Variants in METAP2 observed in about 807,000 individuals in gnomAD.
METAP2 encodes the protein methionine aminopeptidase 2.
In METAP2, 25 loss-of-function variants were observed where a neutral mutation model predicts 59.4. That is an observed-to-expected ratio of 0.42 (90% CI 0.31 to 0.59). The LOEUF (loss-of-function observed/expected upper bound fraction) is 0.59, where lower values mean the gene tolerates loss of function less well. METAP2 is among the 20% of genes least tolerant of loss of function. The pLI, the probability that METAP2 is intolerant of heterozygous loss-of-function variation, is 0.16. For missense variants in METAP2, 366 were observed against 581.2 expected, an observed-to-expected ratio of 0.63 and a Z score of 3.81; for synonymous variants, 214 against 194.1, an observed-to-expected ratio of 1.10 and a Z score of -0.85.
intron 4 of METAP2, among the ~76,000 whole-genome samples, chr12:95,490,128 G>T (rs948179510): frequency 7.3e-5 from 11 of 150,462 alleles, no homozygotes; most frequent in African/African-American, 2.7e-4. Context: ...TTGAGACAAG[G>T]TCTCACTCTG....
chr12:95,477,265 T>C (rs576416031), intron 2 of METAP2, among the ~76,000 whole-genome samples: 4 of 152,176 alleles, frequency 2.6e-5, no homozygotes, highest in South Asian at 2.1e-4. Context: ...GCCCAACTAA[T>C]TTTTTTGTAT....
intron 3 of METAP2, 40 bp from the exon 4 acceptor site, chr12:95,485,839 T>A: frequency 7.6e-7 from 1 of 1,322,150 alleles, no homozygotes; most frequent in Non-Finnish European, 1.0e-6. Context: ...TTAATTTTAT[T>A]TTTAACTACA....
chr12:95,492,152 G>GTGTGTGTGTGTA (rs778238237), intron 4 of METAP2, among the ~76,000 whole-genome samples: 18 of 151,664 alleles, frequency 1.2e-4, no homozygotes, highest in Non-Finnish European at 1.5e-5. Context: ...GTGTGTGTGT[G>GTGTGTGTGTGTA]TGTATGTATA....
intron 2 of METAP2, among the ~76,000 whole-genome samples, chr12:95,482,562 TG>T (rs982646840): frequency 1.5e-4 from 22 of 151,568 alleles, no homozygotes; most frequent in Non-Finnish European, 1.5e-5. Flanking sequence ...GCAAATCACT[TG>T]ATGTCAGGAG....
intron 7 of METAP2, among the ~76,000 whole-genome samples, chr12:95,501,364 T>C (rs1267742323): frequency 2.6e-5 from 4 of 152,164 alleles, no homozygotes; most frequent in Non-Finnish European, 5.9e-5. Flanking sequence ...TCTTGAATTA[T>C]GTAAAAAATA....
At chr12:95,504,878 G>A (rs1423204749) in intron 8 of METAP2, among the ~76,000 whole-genome samples, 1 of 152,156 alleles carries the variant, frequency 6.6e-6, no homozygotes. Flanking sequence ...AAGTTCCTTT[G>A]CCTTCTAGTC....
At chr12:95,492,228 T>C (rs1024668273) in intron 4 of METAP2, among the ~76,000 whole-genome samples, 5 of 152,142 alleles carry the variant, frequency 3.3e-5, no homozygotes, top group African/African-American at 1.2e-4. Context: ...CTTGAACTGT[T>C]GTCCTCAAGC....
chr12:95,507,446 T>C (rs2140163932), intron 8 of METAP2, among the ~76,000 whole-genome samples: 1 of 152,372 alleles, frequency 6.6e-6, no homozygotes, highest in East Asian at 1.9e-4. Context: ...TTTTCCACGT[T>C]GCATAAAGAA....
At chr12:95,495,960 G>T in intron 6 of METAP2, 44 bp from the exon 7 acceptor site, 2 of 1,162,894 alleles carry the variant, frequency 1.7e-6, no homozygotes, top group South Asian at 1.3e-5. Flanking sequence ...TAGATAAATT[G>T]ACTAGCTGAT....
intron 10 of METAP2, 22 bp from the exon 11 acceptor site, chr12:95,513,630 A>C: frequency 6.2e-7 from 1 of 1,605,892 alleles, no homozygotes; most frequent in Non-Finnish European, 8.5e-7. Flanking sequence ...CCAACAGTTA[A>C]TTTTGGATTT....
chr12:95,501,228 G>C (rs1288018675), intron 7 of METAP2, among the ~76,000 whole-genome samples: 2 of 152,094 alleles, frequency 1.3e-5, no homozygotes, highest in South Asian at 2.1e-4. Flanking sequence ...GGGTCTTGCT[G>C]TCTTGCCCAG....
chr12:95,483,058 T>C (rs2076170418), intron 2 of METAP2, among the ~76,000 whole-genome samples, 157 bp from the exon 3 acceptor site: 1 of 152,236 alleles, frequency 6.6e-6, no homozygotes, highest in Admixed American at 6.5e-5. Flanking sequence ...AGCTGCTTCC[T>C]ATTTCTTATT....
chr12:95,483,368 C>T, intron 3 of METAP2, 88 bp downstream of exon 3: 1 of 1,012,014 alleles, frequency 9.9e-7, no homozygotes, highest in South Asian at 1.4e-5. Flanking sequence ...CCCAGCTACT[C>T]CGGAGGCTGA....
chr12:95,501,347 A>G (rs1263820561), intron 7 of METAP2, among the ~76,000 whole-genome samples: 1 of 152,170 alleles, frequency 6.6e-6, no homozygotes. Context: ...TTTTAAATGC[A>G]TTAGTCTCTT....
At position 95,474,195 on chromosome 12, in the gene METAP2, G is replaced by A. The variant is rs749900536; in HGVS notation, c.16G>A (p.Glu6Lys). 1.2e-6 allele frequency: 2 copies of A among 1,614,010 alleles called. No homozygotes were observed. The highest frequency in any genetic ancestry group is 1.1e-5 in the South Asian group (1 of 91,080). The change falls in exon 1 of 11, where the codon GAG becomes AAG. Residue 6 changes from glutamate (E) to lysine (K), a missense_variant. By Grantham distance (56) the Glu-to-Lys change is moderately conservative (BLOSUM62 1). Transcript: ENST00000323666. ...CTCGGGCAACATGGCGGGTGTGGAG[G>A]AGGTAGCGGCCTCCGGGAGCCACCT... The part of the protein sequence containing the change: MAGVE[E>K]VAASGSHLNG...
At chr12:95,505,250 C>T (rs1378030896) in intron 8 of METAP2, among the ~76,000 whole-genome samples, 2 of 152,218 alleles carry the variant, frequency 1.3e-5, no homozygotes, top group East Asian at 3.8e-4. Context: ...CCTCTGGAAC[C>T]TGACCGTGCC....
At chr12:95,487,965 C>T (rs2076209790) in intron 4 of METAP2, among the ~76,000 whole-genome samples, 1 of 152,090 alleles carries the variant, frequency 6.6e-6, no homozygotes, top group Admixed American at 6.6e-5. Flanking sequence ...CTGCAATAAA[C>T]CTCCTTAGGT....
intron 1 of METAP2, among the ~76,000 whole-genome samples, chr12:95,475,536 G>A (rs2076111622): frequency 6.6e-6 from 1 of 152,164 alleles, no homozygotes; most frequent in Admixed American, 6.5e-5. Context: ...GTAACATATT[G>A]CTCTTATAGG....
At chr12:95,494,732 T>G (rs2076264597) in intron 5 of METAP2, among the ~76,000 whole-genome samples, 1 of 152,230 alleles carries the variant, frequency 6.6e-6, no homozygotes, top group Admixed American at 6.5e-5. Flanking sequence ...GTGGATTGTG[T>G]TTCTCTGACT....
Sources: gnomAD v4.1 joint callset for allele counts (sites outside exome capture counted in the v4.1 genomes callset) on GRCh38, gnomAD v4.1.1 for gene constraint, MANE v1.5 for transcripts, NCBI Gene and HGNC (gene_info 2026-07-23, HGNC 2026-07-21) for gene names.